MYO3B: variants seen among roughly 807,000 people sequenced by gnomAD.
The protein encoded by MYO3B is myosin IIIB, also known as myosin-IIIb.
In MYO3B, 156 loss-of-function variants were observed where a neutral mutation model predicts 174.6. That is an observed-to-expected ratio of 0.89 (90% CI 0.78 to 1.02). MYO3B has a LOEUF of 1.02. MYO3B is among the 50% of genes least tolerant of loss of function. The pLI, the probability that MYO3B is intolerant of heterozygous loss-of-function variation, is 0.00. For synonymous variants in MYO3B, 563 were observed against 569.1 expected (o/e 0.99, Z 0.15); for missense variants, 1,632 against 1,639.4 (o/e 1.00, Z 0.08).
chr2:170,625,200 C>A (rs949830568), intron 32 of MYO3B, among the ~76,000 whole-genome samples: 9 of 152,138 alleles, frequency 5.9e-5, no homozygotes, highest in Non-Finnish European at 1.3e-4. Context: ...TGGTCCTGGA[C>A]TTTTTTTGGT....
intron 10 of MYO3B, 22 bp from the exon 11 acceptor site, chr2:170,383,051 A>C: frequency 3.7e-5 from 53 of 1,447,232 alleles, no homozygotes; most frequent in Non-Finnish European, 4.8e-5. Flanking sequence ...ATTTACCTCA[A>C]TACCATTTAT....
intron 28 of MYO3B, among the ~76,000 whole-genome samples, chr2:170,511,110 AGT>A (rs1336676917): frequency 2.7e-5 from 4 of 145,508 alleles, no homozygotes; most frequent in Non-Finnish European, 6.0e-5. Context: ...CCTAGGCTGG[AGT>A]GCAGTGGTGC....
At position 170,549,941 on chromosome 2, in the gene MYO3B, A is replaced by G. The variant is rs551341930; in HGVS notation, c.3733+5953A>G. ...ATGTCTCCCATTTGATAGGGAAAGC[A>G]TGTTCCTACAACAGAGTCTCAAAGG... On this transcript the variant is annotated intron_variant, in intron 32 of 34. Coordinates refer to ENST00000408978, the MANE Select transcript of MYO3B (RefSeq NM_138995.5). 2.4e-4 allele frequency among the ~76,000 whole-genome samples: 36 copies of G among 152,312 alleles called. 1 individual carries two copies. The South Asian group carries it at 5.4e-3, about 23-fold the overall frequency.
At chr2:170,277,679 A>G (rs2093473089) in intron 7 of MYO3B, among the ~76,000 whole-genome samples, 1 of 152,052 alleles carries the variant, frequency 6.6e-6, no homozygotes, top group Admixed American at 6.6e-5. Flanking sequence ...GTACTATTTC[A>G]TCTGATTATA....
chr2:170,215,649 A>G (rs2092819739), intron 5 of MYO3B, among the ~76,000 whole-genome samples: 1 of 152,240 alleles, frequency 6.6e-6, no homozygotes, highest in African/African-American at 2.4e-5. Flanking sequence ...AGAAGAAATT[A>G]CTTAAAAATA....
chr2:170,347,917 C>T (rs1162614004), intron 8 of MYO3B: 2 of 152,242 alleles, frequency 1.3e-5, no homozygotes, highest in African/African-American at 2.4e-5. Flanking sequence ...CTTCTCCCCT[C>T]CAGCCCCTGA....
At chr2:170,629,405 T>C (rs899602680) in intron 32 of MYO3B, among the ~76,000 whole-genome samples, 2 of 152,192 alleles carry the variant, frequency 1.3e-5, no homozygotes, top group Non-Finnish European at 2.9e-5. Flanking sequence ...ATCTATAAAC[T>C]GGCCAGAAGC....
intron 32 of MYO3B, chr2:170,601,788 C>T: frequency 1.6e-6 from 2 of 1,267,992 alleles, no homozygotes; most frequent in South Asian, 1.3e-5. Flanking sequence ...GCTTTGCAGC[C>T]TTCTTTTCAC....
At chr2:170,621,638 T>C (rs988073996) in intron 32 of MYO3B, among the ~76,000 whole-genome samples, 2 of 151,878 alleles carry the variant, frequency 1.3e-5, no homozygotes, top group African/African-American at 4.8e-5. Flanking sequence ...GCCTCCCGGG[T>C]AGTTGGGACT....
At chr2:170,478,636 T>A (rs1404378024) in intron 25 of MYO3B, among the ~76,000 whole-genome samples, 1 of 147,824 alleles carries the variant, frequency 6.8e-6, no homozygotes, top group Non-Finnish European at 1.5e-5. Context: ...TAATGCGATC[T>A]CAGCTCACTA....
intron 11 of MYO3B, 129 bp downstream of exon 11, chr2:170,383,318 G>C: frequency 3.1e-6 from 2 of 643,188 alleles, no homozygotes; most frequent in South Asian, 4.1e-5. Flanking sequence ...ACTGCAGATA[G>C]TAATGTAATA....
chr2:170,584,564 C>A (rs1177135716), intron 32 of MYO3B, among the ~76,000 whole-genome samples: 2 of 152,176 alleles, frequency 1.3e-5, no homozygotes, highest in Admixed American at 1.3e-4. Flanking sequence ...TTTTTTCCCC[C>A]ATTAAGTGTT....
intron 7 of MYO3B, among the ~76,000 whole-genome samples, chr2:170,282,415 A>G (rs1427518245): frequency 6.6e-6 from 1 of 152,152 alleles, no homozygotes; most frequent in Non-Finnish European, 1.5e-5. Flanking sequence ...TTGGCTGTAA[A>G]TATGTAGGTT....
chr2:170,344,243 G>A, intron 8 of MYO3B: 1 of 152,400 alleles, frequency 6.6e-6, no homozygotes, highest in Non-Finnish European at 1.5e-5. Context: ...CGAGGCGGGT[G>A]GATCACAAGG....
chr2:170,277,119 TG>T (rs1372329434), intron 7 of MYO3B, among the ~76,000 whole-genome samples: 1 of 152,178 alleles, frequency 6.6e-6, no homozygotes, highest in East Asian at 1.9e-4. Flanking sequence ...TGGGGAAGGC[TG>T]AGAAGGAGGC....
At chr2:170,460,736 G>A (rs957400896) in intron 23 of MYO3B, among the ~76,000 whole-genome samples, 3 of 152,186 alleles carry the variant, frequency 2.0e-5, no homozygotes, top group Non-Finnish European at 4.4e-5. Context: ...TCCTGACCAC[G>A]TAGCCTTATA....
intron 22 of MYO3B, among the ~76,000 whole-genome samples, chr2:170,419,065 C>CA (rs2094598888): frequency 6.6e-6 from 1 of 152,028 alleles, no homozygotes; most frequent in Non-Finnish European, 1.5e-5. Flanking sequence ...CAGCACAAGG[C>CA]AAAAAGATGC....
intron 23 of MYO3B, among the ~76,000 whole-genome samples, chr2:170,460,605 T>C (rs1684226565): frequency 6.6e-6 from 1 of 151,110 alleles, no homozygotes; most frequent in Non-Finnish European, 1.5e-5. Context: ...TGTCAAAGGA[T>C]AGGTTTTTAC....
intron 22 of MYO3B, among the ~76,000 whole-genome samples, chr2:170,421,489 C>T (rs757982645): frequency 6.6e-6 from 1 of 152,196 alleles, no homozygotes; most frequent in African/African-American, 2.4e-5. Flanking sequence ...ATTACAACTT[C>T]CCTCTTGGAA....
Sources: allele counts gnomAD v4.1 joint callset (sites outside exome capture counted in the v4.1 genomes callset), GRCh38; gene constraint gnomAD v4.1.1; transcripts MANE v1.5; gene names NCBI Gene and HGNC (gene_info 2026-07-23, HGNC 2026-07-21).